Variants in SCHIP1 observed in about 807,000 individuals in gnomAD.
The protein encoded by SCHIP1 is schwannomin-interacting protein 1.
SCHIP1 carries 8 observed loss-of-function variants against 29.7 expected under a neutral mutation model. That is an observed-to-expected ratio of 0.27 (90% confidence interval 0.16 to 0.49). The LOEUF (loss-of-function observed/expected upper bound fraction) is 0.49. Among genes scored for constraint, SCHIP1 ranks in the 20% least tolerant of loss-of-function variants. The pLI is 0.99. For missense variants in SCHIP1, 193 were observed against 294.6 expected (o/e 0.66, Z 2.52); for synonymous variants, 76 against 94.9 (o/e 0.80, Z 1.16).
intron 1 of SCHIP1, among the ~76,000 whole-genome samples, chr3:159,846,312 C>T (rs531105573): frequency 6.6e-6 from 1 of 152,286 alleles, no homozygotes; most frequent in Admixed American, 6.5e-5. Context: ...CCCTGTGTTG[C>T]TCTTAAGTGA....
At chr3:159,675,430 T>G in the SCHIP1 span, among the ~76,000 whole-genome samples, 1 of 152,178 alleles carries the variant, frequency 6.6e-6, no homozygotes, top group East Asian at 1.9e-4. Context: ...ATGAGTAAAT[T>G]AACTTAATTG....
At chr3:159,680,840 C>T in the SCHIP1 span, among the ~76,000 whole-genome samples, 477 of 143,914 alleles carry the variant, frequency 3.3e-3, 4 homozygotes, top group African/African-American at 0.012. Context: ...TAGCATGATC[C>T]GTGAGGAATA....
the SCHIP1 span, among the ~76,000 whole-genome samples, chr3:159,329,865 TA>T: frequency 1.7e-3 from 256 of 151,996 alleles, 2 homozygotes; most frequent in African/African-American, 5.7e-3. Flanking sequence ...ACAGCACCGT[TA>T]GTATTTTTTT....
the SCHIP1 span, among the ~76,000 whole-genome samples, chr3:159,429,331 G>A: frequency 5.9e-5 from 9 of 151,922 alleles, no homozygotes; most frequent in African/African-American, 2.2e-4. Flanking sequence ...CCTACTTCGT[G>A]CTATGAAGAA....
At chr3:159,694,605 A>AAAGGAAGG in the SCHIP1 span, among the ~76,000 whole-genome samples, 2 of 137,116 alleles carry the variant, frequency 1.5e-5, no homozygotes, top group Admixed American at 7.1e-5. Flanking sequence ...AGAAAGAAAG[A>AAAGGAAGG]AAGGAATTAT....
At chr3:159,385,537 A>G in the SCHIP1 span, among the ~76,000 whole-genome samples, 1 of 151,164 alleles carries the variant, frequency 6.6e-6, no homozygotes, top group Non-Finnish European at 1.5e-5. Context: ...AGCCTGGGAG[A>G]TAGATCAAGA....
the SCHIP1 span, among the ~76,000 whole-genome samples, chr3:159,507,914 T>A: frequency 6.6e-6 from 1 of 152,210 alleles, no homozygotes; most frequent in Non-Finnish European, 1.5e-5. Flanking sequence ...TCAGGGATAT[T>A]GGTCTAAAAT....
the SCHIP1 span, among the ~76,000 whole-genome samples, chr3:159,477,920 C>CTTTTTTTTT: frequency 2.0e-5 from 2 of 98,302 alleles, no homozygotes; most frequent in East Asian, 3.2e-4. Context: ...CATTTTAAAT[C>CTTTTTTTTT]TTTTTTTTTT....
the SCHIP1 span, chr3:159,274,877 T>C: frequency 1.6e-6 from 1 of 631,946 alleles, no homozygotes; most frequent in Non-Finnish European, 2.0e-6. Context: ...TAAAATTTAT[T>C]TCCTTTAGTA....
chr3:159,543,640 C>T, the SCHIP1 span, among the ~76,000 whole-genome samples: 1 of 151,758 alleles, frequency 6.6e-6, no homozygotes, highest in East Asian at 2.0e-4. Flanking sequence ...GGGTTGGTTC[C>T]AAGTCTTCGC....
the SCHIP1 span, among the ~76,000 whole-genome samples, chr3:159,818,754 G>A: frequency 1.2e-4 from 18 of 152,224 alleles, no homozygotes; most frequent in Non-Finnish European, 2.2e-4. Context: ...CAGCATGGAG[G>A]CCCTGCTCTA....
chr3:159,726,288 G>A, the SCHIP1 span, among the ~76,000 whole-genome samples: 6 of 152,178 alleles, frequency 3.9e-5, no homozygotes, highest in East Asian at 1.9e-4. Context: ...GCAGCTCCAC[G>A]TGTTGCAAAC....
At chr3:159,731,441 G>A in the SCHIP1 span, among the ~76,000 whole-genome samples, 1 of 152,212 alleles carries the variant, frequency 6.6e-6, no homozygotes, top group African/African-American at 2.4e-5. Context: ...GAGTCCAAGA[G>A]GTGTGCTCAG....
chr3:159,801,803 A>G, the SCHIP1 span, among the ~76,000 whole-genome samples: 1 of 152,122 alleles, frequency 6.6e-6, no homozygotes, highest in South Asian at 2.1e-4. Flanking sequence ...TTCTATTTAT[A>G]TCCTTAAAAA....
At chr3:159,543,392 A>G in the SCHIP1 span, among the ~76,000 whole-genome samples, 37 of 91,586 alleles carry the variant, frequency 4.0e-4, no homozygotes, top group African/African-American at 1.4e-3. Context: ...ACATCACCCC[A>G]GAGTGTGATG....
chr3:159,665,541 T>TG, the SCHIP1 span, among the ~76,000 whole-genome samples: 19 of 149,746 alleles, frequency 1.3e-4, no homozygotes, highest in African/African-American at 4.8e-4. Context: ...TTTTTGTTTT[T>TG]GGGGTTGTGT....
chr3:159,870,744 A>G (rs1715170282), intron 2 of SCHIP1, among the ~76,000 whole-genome samples: 1 of 152,188 alleles, frequency 6.6e-6, no homozygotes, highest in Admixed American at 6.5e-5. Context: ...CATGATTGAC[A>G]TGAATCTATT....
chr3:159,810,221 A>G, the SCHIP1 span, among the ~76,000 whole-genome samples: 18 of 151,672 alleles, frequency 1.2e-4, no homozygotes, highest in Non-Finnish European at 1.6e-4. Flanking sequence ...AATTTTTTGT[A>G]TTTTTAATAG....
At chr3:159,363,553 G>A in the SCHIP1 span, among the ~76,000 whole-genome samples, 1 of 152,158 alleles carries the variant, frequency 6.6e-6, no homozygotes, top group Non-Finnish European at 1.5e-5. Context: ...ATCTGTGCAA[G>A]TAGCCATCTG....
Sources: gnomAD v4.1 joint callset for allele counts (sites outside exome capture counted in the v4.1 genomes callset) on GRCh38, gnomAD v4.1.1 for gene constraint, MANE v1.5 for transcripts, NCBI Gene and HGNC (gene_info 2026-07-23, HGNC 2026-07-21) for gene names.